Variants in INPP4A observed in about 807,000 individuals in gnomAD.
The protein encoded by INPP4A is inositol polyphosphate-4-phosphatase type I A, also known as inositol polyphosphate-4-phosphatase, type I, 107kD.
In INPP4A, 33 loss-of-function variants were observed where a neutral mutation model predicts 119.8. That is an observed-to-expected ratio of 0.28 (90% CI 0.21 to 0.37). The LOEUF (loss-of-function observed/expected upper bound fraction) is 0.37. INPP4A is among the 10% of genes least tolerant of loss of function. The pLI is 1.00. For missense variants in INPP4A, 956 were observed against 1,289.9 expected, an observed-to-expected ratio of 0.74 and a Z score of 3.97; for synonymous variants, 496 against 500.7, an observed-to-expected ratio of 0.99 and a Z score of 0.12.
intron 4 of INPP4A, 45 bp from the exon 5 acceptor site, chr2:98,533,332 G>A (rs770665747): frequency 7.3e-6 from 9 of 1,238,082 alleles, no homozygotes; most frequent in South Asian, 4.8e-5. Context: ...ACTAATCAGA[G>A]TCTGGTTTTA....
Position 98,494,624 on chromosome 2 carries a change from TA to T in INPP4A, c.-165-24327del, listed in dbSNP as rs796986081. 3.5e-3 allele frequency among the ~76,000 whole-genome samples: 471 copies of T among 133,810 alleles called. 1 individual carries two copies. Among genetic ancestry groups the T allele is most frequent in the African/African-American group, 4.2e-3 (153 of 36,662 alleles). 87.8% of individuals were successfully genotyped at this position (133,810 alleles called of 152,430 possible). On this transcript the variant is annotated intron_variant, in intron 1 of 24. Coordinates refer to ENST00000409851, the MANE Select transcript of INPP4A (RefSeq NM_001134225.2). ...GGAAAGTTCAAGCCTAAGGGTGTTC[TA>T]AAAAAAAAAAAATGGAGAGTTTGGT...
chr2:98,585,824 T>C (rs1699888847), intron 24 of INPP4A, among the ~76,000 whole-genome samples: 1 of 152,274 alleles, frequency 6.6e-6, no homozygotes, highest in African/African-American at 2.4e-5. Context: ...CTTTAACATG[T>C]AAATAAAAGA....
At chr2:98,467,299 C>G (rs1487627325) in intron 1 of INPP4A, among the ~76,000 whole-genome samples, 1 of 152,210 alleles carries the variant, frequency 6.6e-6, no homozygotes, top group Non-Finnish European at 1.5e-5. Context: ...GGCCCCACTT[C>G]TGACATTCGG....
rs1333993998 is a variant in INPP4A, at chr2:98,546,774, T to C, written c.1163+80T>C. ...CTCAGTTTAAAATAAAATCAAAATA[T>C]GACCGCAAAAACACCCAGCCATCTG... On this transcript the variant is annotated intron_variant, in intron 13 of 24. Transcript: ENST00000409851. This position sits in a 1 kb window ranked among gnomAD's most constrained non-coding sequence, Gnocchi z 4.2. The C allele has an allele frequency of 2.1e-6, 2 of 938,176 alleles. No individual in the cohort carries two copies. The highest frequency in any genetic ancestry group is 3.3e-5 in the African/African-American group (2 of 60,976). 58.1% of individuals were successfully genotyped at this position (938,176 alleles called of 1,614,324 possible).
intron 1 of INPP4A, among the ~76,000 whole-genome samples, chr2:98,473,247 G>A (rs1676475208): frequency 6.6e-6 from 1 of 150,840 alleles, no homozygotes; most frequent in African/African-American, 2.4e-5. Context: ...GGAGGGCAGT[G>A]TGGGTGCAGT....
Position 98,539,001 on chromosome 2 carries a change from G to A in INPP4A, c.670+20G>A, listed in dbSNP as rs766654811. On this transcript the variant is annotated intron_variant, in intron 9 of 24. Coordinates refer to ENST00000409851, the MANE Select transcript of INPP4A (RefSeq NM_001134225.2). ...AATCGGGTAAACAGCTTCCTCCTTT[G>A]GTATTCTTGCCTCTCTAGTGAGTAT... 5 of 1,514,100 alleles carry A rather than the reference G, an allele frequency of 3.3e-6. No individual in the cohort carries two copies. In the East Asian group the frequency reaches 1.1e-4, roughly 34 times the overall value. The allele number at this position is 1,514,100 out of a possible 1,614,324, so 93.8% of individuals were successfully genotyped here.
At chr2:98,488,059 G>A (rs1026241742) in intron 1 of INPP4A, among the ~76,000 whole-genome samples, 6 of 152,110 alleles carry the variant, frequency 3.9e-5, no homozygotes, top group Non-Finnish European at 8.8e-5. Context: ...CCAGTACTAG[G>A]GTATTCATTG....
intron 1 of INPP4A, among the ~76,000 whole-genome samples, chr2:98,470,370 G>T: frequency 6.6e-6 from 1 of 152,248 alleles, no homozygotes; most frequent in Admixed American, 6.5e-5. Context: ...TCCTGCCTCA[G>T]GAGGGGCATG....
At chr2:98,487,533 G>T (rs1022137724) in intron 1 of INPP4A, among the ~76,000 whole-genome samples, 1 of 152,098 alleles carries the variant, frequency 6.6e-6, no homozygotes, top group Non-Finnish European at 1.5e-5. Flanking sequence ...TGCCTGGCCT[G>T]TCTTATTTAT....
intron 1 of INPP4A, among the ~76,000 whole-genome samples, chr2:98,489,067 G>A (rs1680165316): frequency 6.6e-6 from 1 of 151,564 alleles, no homozygotes; most frequent in South Asian, 2.1e-4. Flanking sequence ...GTGATGATGG[G>A]AATAGTGAAA....
Position 98,591,204 on chromosome 2 carries a change from T to C in INPP4A, c.*3596T>C, listed in dbSNP as rs1024603315. Reference sequence around the variant, plus strand: ...GAAGGTGGGACATATGGGACAGCCATGTCCTTGTGGGCATGGTGGTGTGGC... The same window carrying C: ...GAAGGTGGGACATATGGGACAGCCACGTCCTTGTGGGCATGGTGGTGTGGC... On this transcript the variant is annotated 3_prime_UTR_variant, in exon 25 of 25. Transcript: ENST00000409851. 3.0e-4 allele frequency: 53 copies of C among 176,946 alleles called. No individual in the cohort carries two copies. The highest frequency in any genetic ancestry group is 4.8e-5 in the Non-Finnish European group (4 of 82,500). 11.0% of individuals were successfully genotyped at this position (176,946 alleles called of 1,614,324 possible).
rs13016305 is a variant in INPP4A at position 98,594,096 on chromosome 2, T to C, written c.*6488T>C. On this transcript the variant is annotated 3_prime_UTR_variant, in exon 25 of 25. Transcript: ENST00000409851. ...GTTTTGTGGTGTTCAACTGAAATAT[T>C]TCCTATTTCAGCACTGGACCACGCT... is the stretch of plus-strand genomic sequence containing the variant. 19,284 of 152,262 alleles carry C rather than the reference T, an allele frequency of 0.13. 1,659 individuals are homozygous for C. The highest frequency in any genetic ancestry group is 0.26 in the South Asian group (1,262 of 4,826). 9.4% of individuals were successfully genotyped at this position (152,262 alleles called of 1,614,324 possible).
At chr2:98,465,539 C>T (rs1674559175) in intron 1 of INPP4A, among the ~76,000 whole-genome samples, 1 of 152,056 alleles carries the variant, frequency 6.6e-6, no homozygotes, top group East Asian at 1.9e-4. Flanking sequence ...TTGCAGGGGG[C>T]ATTATTTGAC....
chr2:98,552,867 C>T lies in INPP4A; in HGVS notation c.1245C>T (p.Thr415=). 1 of 1,613,832 alleles carries T rather than the reference C, an allele frequency of 6.2e-7. No homozygotes were observed. The part of the protein sequence containing the change: ...RAKEIIAQIN[T]LKTQVSYYAE... ...AGGAGATCATCGCCCAGATCAACAC[C>T]CTGAAAACCCAAGTGAGTTACTACG... Residue 415 remains threonine (T), a synonymous_variant, in exon 14 of 25, where the codon ACC becomes ACT. Coordinates refer to ENST00000409851, the MANE Select transcript of INPP4A (RefSeq NM_001134225.2).
In INPP4A at chr2:98,539,691, A is replaced by G. The variant is rs188031631; in HGVS notation, c.818+16A>G. The G allele has an allele frequency of 4.9e-5, 79 of 1,599,314 alleles. No homozygotes were observed. In the East Asian group the frequency reaches 1.7e-3, roughly 35 times the overall value. ...ATGCAGCCAGGTGAGGCCACATGGA[A>G]GGACTGACTGTCCATCATACCCATG... On this transcript the variant is annotated intron_variant, in intron 10 of 24. Transcript: ENST00000409851.
chr2:98,453,352 A>G (rs4850875), intron 1 of INPP4A, among the ~76,000 whole-genome samples: 37,201 of 152,212 alleles, frequency 0.24, 4,686 homozygotes, highest in Middle Eastern at 0.35. Flanking sequence ...CATGAAATCA[A>G]TTTGAGGTTG....
At chr2:98,494,546 C>T (rs868092416) in intron 1 of INPP4A, among the ~76,000 whole-genome samples, 3 of 151,788 alleles carry the variant, frequency 2.0e-5, no homozygotes, top group Admixed American at 6.5e-5. Context: ...GCTATAATAA[C>T]AGAAAGCTCT....
intron 1 of INPP4A, among the ~76,000 whole-genome samples, chr2:98,507,686 G>C (rs1482630546): frequency 6.6e-6 from 1 of 152,160 alleles, no homozygotes; most frequent in Non-Finnish European, 1.5e-5. Flanking sequence ...GGCTGTCTCA[G>C]CTCCCACCAT....
At position 98,589,235 on chromosome 2, in the gene INPP4A, A is replaced by C; in HGVS notation, c.*1627A>C. The C allele has an allele frequency of 5.5e-6, 1 of 182,434 alleles. No homozygotes were observed. Among genetic ancestry groups the C allele is most frequent in the Non-Finnish European group, 1.2e-5 (1 of 85,650 alleles). The allele number at this position is 182,434 out of a possible 1,614,324, so 11.3% of individuals were successfully genotyped here. A position where few individuals can be genotyped will look rare whatever the true frequency, so the allele number is the denominator to read the frequency against. ...GAAGCAGAGAAGCTCCTGCCCGCCA[A>C]ACCCACTGCACAGGTGGCTGCTGCT... is the stretch of plus-strand genomic sequence containing the variant. On this transcript the variant is annotated 3_prime_UTR_variant, in exon 25 of 25. Coordinates refer to ENST00000409851, the MANE Select transcript of INPP4A (RefSeq NM_001134225.2).
Sources: allele counts gnomAD v4.1 joint callset (sites outside exome capture counted in the v4.1 genomes callset), GRCh38; gene constraint gnomAD v4.1.1; non-coding constraint Gnocchi (gnomAD v3.1); transcripts MANE v1.5; gene names NCBI Gene and HGNC (gene_info 2026-07-23, HGNC 2026-07-21).